ZFHX3: variants seen among roughly 807,000 people sequenced by gnomAD.
ZFHX3 encodes zinc finger homeobox protein 3.
In ZFHX3, 42 loss-of-function variants were observed where a neutral mutation model predicts 279.1. The observed-to-expected ratio is 0.15, with a 90% CI of 0.12 to 0.19. The LOEUF (loss-of-function observed/expected upper bound fraction) is 0.19, where lower values mean the gene tolerates loss of function less well. Among genes scored for constraint, ZFHX3 ranks in the 10% least tolerant of loss-of-function variants. ZFHX3 has a pLI of 1.00. For missense variants in ZFHX3, 4,981 were observed against 4,754.0 expected (o/e 1.05, Z -1.40); for synonymous variants, 2,293 against 1,957.8 (o/e 1.17, Z -4.52).
At chr16:73,599,167 A>T (rs1597019795) in intron 2 of ZFHX3, among the ~76,000 whole-genome samples, 1 of 152,332 alleles carries the variant, frequency 6.6e-6, no homozygotes, top group Non-Finnish European at 1.5e-5. Context: ...GGTAATACCC[A>T]GCTTCCTGGT....
chr16:73,225,989 A>G (rs2012579158), intron 5 of ZFHX3, among the ~76,000 whole-genome samples: 1 of 152,170 alleles, frequency 6.6e-6, no homozygotes, highest in Non-Finnish European at 1.5e-5. Flanking sequence ...TATCCTTCCT[A>G]GGAGTCCAAT....
intron 5 of ZFHX3, among the ~76,000 whole-genome samples, chr16:73,162,533 G>GT (rs1224118400): frequency 3.3e-5 from 5 of 152,116 alleles, no homozygotes; most frequent in African/African-American, 1.2e-4. Flanking sequence ...ATGATTCTAC[G>GT]TGATGGTGAG....
chr16:73,263,569 C>T lies in ZFHX3; in HGVS notation c.-1193-6433G>A, dbSNP rs561934658. 7.9e-5 allele frequency among the ~76,000 whole-genome samples: 12 copies of T among 152,270 alleles called. No individual in the cohort carries two copies. The South Asian group carries it at 1.0e-3, about 13-fold the overall frequency. ...CACATGTTGCCTGGTCCATGTCCCT[C>T]TCCTCCCAGAAGCAGCTTCTGTTTC... is the stretch of plus-strand genomic sequence containing the variant. On this transcript the variant is annotated intron_variant, in intron 4 of 17. Transcript: ENST00000641206.
Position 73,798,660 on chromosome 16 carries a change from C to T in ZFHX3, c.-1608+92991G>A, listed in dbSNP as rs552220678. Among the ~76,000 whole-genome samples, 32 of 152,262 alleles carry T rather than the reference C, an allele frequency of 2.1e-4. No homozygotes were observed. In the South Asian group the frequency reaches 5.6e-3, roughly 27 times the overall value. On this transcript the variant is annotated intron_variant, in intron 1 of 17. Coordinates refer to the ZFHX3 transcript ENST00000641206. ...GAAATTCAGGAAGTTGGCTGAGCTC[C>T]TCAGCTCTGTTGTACATCACAGATG...
chr16:73,162,971 G>A (rs540759856), intron 5 of ZFHX3, among the ~76,000 whole-genome samples: 3 of 152,228 alleles, frequency 2.0e-5, no homozygotes, highest in South Asian at 2.1e-4. Context: ...ATTCATCCAC[G>A]GAGCTCAGAT....
chr16:73,675,803 AC>A (rs769740343), intron 2 of ZFHX3, among the ~76,000 whole-genome samples: 7 of 152,060 alleles, frequency 4.6e-5, no homozygotes, highest in South Asian at 2.1e-4. Flanking sequence ...ATAGAAAAAA[AC>A]AATACACATA....
At chr16:73,240,951 T>C (rs989370001) in intron 5 of ZFHX3, among the ~76,000 whole-genome samples, 1 of 152,258 alleles carries the variant, frequency 6.6e-6, no homozygotes, top group Non-Finnish European at 1.5e-5. Context: ...AAAGTTCATC[T>C]GTGCTTTCTT....
At chr16:73,889,753 A>G (rs1158812647) in intron 1 of ZFHX3, among the ~76,000 whole-genome samples, 2 of 152,130 alleles carry the variant, frequency 1.3e-5, no homozygotes, top group African/African-American at 2.4e-5. Flanking sequence ...TCCTGAGTGC[A>G]GGTTTTCTTG....
At chr16:73,438,432 A>T (rs1022937293) in intron 3 of ZFHX3, among the ~76,000 whole-genome samples, 2 of 152,222 alleles carry the variant, frequency 1.3e-5, no homozygotes, top group Admixed American at 1.3e-4. Context: ...AACCAAAGCA[A>T]CAAAAATCAG....
intron 5 of ZFHX3, among the ~76,000 whole-genome samples, chr16:73,251,386 T>C (rs367816121): frequency 4.5e-4 from 69 of 152,182 alleles, no homozygotes; most frequent in Non-Finnish European, 2.5e-4. Context: ...CGGAGCACTG[T>C]TAGGGGCCAA....
chr16:73,338,691 T>A (rs930984986), intron 3 of ZFHX3, among the ~76,000 whole-genome samples: 6 of 152,190 alleles, frequency 3.9e-5, no homozygotes, highest in Non-Finnish European at 8.8e-5. Flanking sequence ...CTGATTTTGC[T>A]TAAGCCATTT....
chr16:73,097,180 A>G (rs1394573491), intron 7 of ZFHX3, among the ~76,000 whole-genome samples: 1 of 151,460 alleles, frequency 6.6e-6, no homozygotes, highest in Admixed American at 6.6e-5. Context: ...CAGCCTCCCA[A>G]GTAGCTGGGA....
At chr16:73,431,050 G>A (rs1181665394) in intron 3 of ZFHX3, among the ~76,000 whole-genome samples, 1 of 152,194 alleles carries the variant, frequency 6.6e-6, no homozygotes, top group East Asian at 1.9e-4. Flanking sequence ...GATAAAGAAG[G>A]ACAAACATCT....
At chr16:73,605,168 G>C (rs1033023375) in intron 2 of ZFHX3, among the ~76,000 whole-genome samples, 1 of 152,010 alleles carries the variant, frequency 6.6e-6, no homozygotes, top group Non-Finnish European at 1.5e-5. Context: ...GTGGTCATTC[G>C]AACACTTTCA....
intron 9 of ZFHX3, chr16:72,791,415 G>A (rs1050417008): frequency 1.3e-5 from 2 of 152,164 alleles, no homozygotes; most frequent in Non-Finnish European, 2.9e-5. Context: ...TCCACTCTAA[G>A]TGGTCAGAAC....
chr16:73,254,551 T>C (rs2144960786), intron 5 of ZFHX3, among the ~76,000 whole-genome samples: 1 of 152,040 alleles, frequency 6.6e-6, no homozygotes, highest in Non-Finnish European at 1.5e-5. Context: ...CACAGGAAGT[T>C]GCAAAAATAG....
chr16:73,787,848 T>A (rs1179885523), intron 1 of ZFHX3, among the ~76,000 whole-genome samples: 24 of 148,908 alleles, frequency 1.6e-4, no homozygotes, highest in African/African-American at 5.9e-4. Context: ...TGTGTGTGTG[T>A]GTGTGAAAGA....
intron 5 of ZFHX3, among the ~76,000 whole-genome samples, chr16:73,179,101 T>G (rs1211283284): frequency 6.6e-6 from 1 of 152,234 alleles, no homozygotes; most frequent in Admixed American, 6.5e-5. Context: ...TGTGGATACC[T>G]GGACTTCTAA....
intron 1 of ZFHX3, among the ~76,000 whole-genome samples, chr16:73,032,371 C>T (rs1177001880): frequency 6.6e-6 from 1 of 152,088 alleles, no homozygotes; most frequent in Non-Finnish European, 1.5e-5. Flanking sequence ...TTCCTAGTGA[C>T]CACAGTCATA....
Sources: gnomAD v4.1 joint callset for allele counts (sites outside exome capture counted in the v4.1 genomes callset) on GRCh38, gnomAD v4.1.1 for gene constraint, MANE v1.5 for transcripts, NCBI Gene and HGNC (gene_info 2026-07-23, HGNC 2026-07-21) for gene names.